Variants in SPICE1 observed in about 807,000 individuals in gnomAD.
SPICE1 encodes spindle and centriole-associated protein 1.
In SPICE1, 75 loss-of-function variants were observed where a neutral mutation model predicts 102.7. The ratio of observed to expected loss-of-function variants is 0.73; its 90% confidence interval spans 0.61 to 0.88. The LOEUF is 0.88. Ranked by LOEUF, SPICE1 falls within the 40% of genes least tolerant of loss-of-function variation. The pLI is 0.00. For synonymous variants in SPICE1, 308 were observed against 350.3 expected (o/e 0.88, Z 1.35); for missense variants, 979 against 1,020.1 (o/e 0.96, Z 0.55).
chr3:113,445,229 T>C lies in SPICE1; in HGVS notation c.*78A>G, dbSNP rs1576618036. On this transcript the variant is annotated 3_prime_UTR_variant, in exon 18 of 18. Transcript: ENST00000295872. ...TTGTAGGTTTTATCTGAAAGAAGGA[T>C]ATAAAAACTTAAAAGTCAGAGCAGG... 4 of 1,107,006 alleles carry C rather than the reference T, an allele frequency of 3.6e-6. No individual in the cohort carries two copies. Among genetic ancestry groups the C allele is most frequent in the East Asian group, 2.4e-5 (1 of 41,232 alleles). The allele number at this position is 1,107,006 out of a possible 1,614,324, so 68.6% of individuals were successfully genotyped here. A position where few individuals can be genotyped will look rare whatever the true frequency, so the allele number is the denominator to read the frequency against.
At chr3:113,474,831 A>G (rs1936297933) in intron 7 of SPICE1, among the ~76,000 whole-genome samples, 1 of 152,226 alleles carries the variant, frequency 6.6e-6, no homozygotes, top group Non-Finnish European at 1.5e-5. Flanking sequence ...CCACAAGAGA[A>G]AGCAGGAAAG....
rs1327257349 is a variant in SPICE1 at position 113,444,029 on chromosome 3, G to C, written c.*1278C>G. On this transcript the variant is annotated 3_prime_UTR_variant, in exon 18 of 18. Coordinates refer to ENST00000295872, the MANE Select transcript of SPICE1 (RefSeq NM_144718.4). ...TTGAGCAAGTTATTAGCAGCTTTCT[G>C]GGGCATACTGGAGAAGTCATATGTT... 1 of 152,244 alleles carries C rather than the reference G, an allele frequency of 6.6e-6. No homozygotes were observed. The highest frequency in any genetic ancestry group is 2.4e-5 in the African/African-American group (1 of 41,548). The allele number at this position is 152,244 out of a possible 1,614,324, so 9.4% of individuals were successfully genotyped here. A position where few individuals can be genotyped will look rare whatever the true frequency, so the allele number is the denominator to read the frequency against.
At chr3:113,476,651 C>G (rs1183951088) in intron 7 of SPICE1, among the ~76,000 whole-genome samples, 1 of 150,328 alleles carries the variant, frequency 6.7e-6, no homozygotes, top group Non-Finnish European at 1.5e-5. Context: ...ACTATCTGAT[C>G]TTTGACAAAC....
In SPICE1 at chr3:113,448,156, A is replaced by C. The variant is rs987615833; in HGVS notation, c.2324-16T>G. The C allele has an allele frequency of 2.5e-6, 4 of 1,572,536 alleles. No individual in the cohort carries two copies. In the African/African-American group the frequency reaches 5.5e-5, roughly 21 times the overall value. ...TTTGCTCCTTCTAAAATATAAAAATAAATATTAGTTCCATTACCTTTCAAT... is the reference window on the plus strand; with the variant it reads ...TTTGCTCCTTCTAAAATATAAAAATCAATATTAGTTCCATTACCTTTCAAT... On this transcript the variant is annotated splice_polypyrimidine_tract_variant and intron_variant, in intron 15 of 17. Coordinates refer to ENST00000295872, the MANE Select transcript of SPICE1 (RefSeq NM_144718.4).
At chr3:113,493,151 T>C in intron 6 of SPICE1, 55 bp downstream of exon 6, 1 of 1,284,716 alleles carries the variant, frequency 7.8e-7, no homozygotes, top group Non-Finnish European at 1.1e-6. Context: ...AAGGCCTATA[T>C]CAACTTAAAC....
chr3:113,479,045 T>C (rs566372092), intron 7 of SPICE1, among the ~76,000 whole-genome samples: 13 of 151,946 alleles, frequency 8.6e-5, no homozygotes, highest in East Asian at 1.9e-4. Context: ...TACATATGTA[T>C]ACATGTGCCA....
At chr3:113,462,343 C>A (rs1490929370) in intron 11 of SPICE1, among the ~76,000 whole-genome samples, 1 of 152,226 alleles carries the variant, frequency 6.6e-6, no homozygotes, top group East Asian at 1.9e-4. Context: ...AAATTTAAAT[C>A]TTCAAGGGAA....
intron 1 of SPICE1, 194 bp downstream of exon 1, chr3:113,514,703 T>C: frequency 1.7e-6 from 2 of 1,166,090 alleles, no homozygotes; most frequent in Middle Eastern, 2.2e-4. Context: ...TCGATTTAAA[T>C]GACGCTCCCG....
chr3:113,475,043 TAATA>T (rs1936305435), intron 7 of SPICE1, among the ~76,000 whole-genome samples: 1 of 151,878 alleles, frequency 6.6e-6, no homozygotes, highest in African/African-American at 2.4e-5. Flanking sequence ...CTAGCAAGAT[TAATA>T]AAAAAGAAAA....
chr3:113,466,544 A>G (rs1936061130), intron 10 of SPICE1, among the ~76,000 whole-genome samples: 1 of 151,444 alleles, frequency 6.6e-6, no homozygotes, highest in South Asian at 2.1e-4. Context: ...CAGGAGGCAG[A>G]GGTTGCAGTG....
At chr3:113,470,839 G>C (rs1936177422) in intron 7 of SPICE1, among the ~76,000 whole-genome samples, 1 of 152,184 alleles carries the variant, frequency 6.6e-6, no homozygotes, top group Admixed American at 6.5e-5. Flanking sequence ...TGGAACTGCT[G>C]ATCCCTTTCT....
At position 113,492,422 on chromosome 3, in the gene SPICE1, G is replaced by A. The variant is rs531708535; in HGVS notation, c.492+784C>T. On this transcript the variant is annotated intron_variant, in intron 6 of 17. Coordinates refer to ENST00000295872, the MANE Select transcript of SPICE1 (RefSeq NM_144718.4). ...CTTATTTTAGTATTAAATTATTCAC[G>A]GGCTTTAAAAAAAGTTTACTATCTC... is the stretch of plus-strand genomic sequence containing the variant. Among the ~76,000 whole-genome samples, 11 of 151,624 alleles carry A rather than the reference G, an allele frequency of 7.3e-5. No homozygotes were observed. The South Asian group carries it at 1.3e-3, about 17-fold the overall frequency.
chr3:113,507,134 T>C (rs1484566311), intron 1 of SPICE1, among the ~76,000 whole-genome samples: 1 of 152,210 alleles, frequency 6.6e-6, no homozygotes, highest in African/African-American at 2.4e-5. Flanking sequence ...AATATATCTG[T>C]CACATAATGC....
Position 113,499,433 on chromosome 3 carries a change from C to T in SPICE1, c.291+6G>A. The T allele has an allele frequency of 6.2e-7, 1 of 1,610,592 alleles. No individual in the cohort carries two copies. The highest frequency in any genetic ancestry group is 8.5e-7 in the Non-Finnish European group (1 of 1,179,080). On this transcript the variant is annotated splice_donor_region_variant and intron_variant, in intron 4 of 17. Coordinates refer to ENST00000295872, the MANE Select transcript of SPICE1 (RefSeq NM_144718.4). ...TCTTTCTAACTCTAATGCAGTTTAGCATTACCTCCTTCATGATAGACAATC... is the reference window on the plus strand; with the variant it reads ...TCTTTCTAACTCTAATGCAGTTTAGTATTACCTCCTTCATGATAGACAATC...
At chr3:113,487,011 C>T (rs1936664764) in intron 7 of SPICE1, among the ~76,000 whole-genome samples, 1 of 151,780 alleles carries the variant, frequency 6.6e-6, no homozygotes, top group Non-Finnish European at 1.5e-5. Context: ...TGACACTACC[C>T]TGAAAACAGC....
intron 4 of SPICE1, among the ~76,000 whole-genome samples, chr3:113,496,401 C>G (rs1936886089): frequency 7.1e-6 from 1 of 140,432 alleles, no homozygotes; most frequent in Non-Finnish European, 1.5e-5. Flanking sequence ...GTTGGATTTT[C>G]AAAGGATCCC....
intron 6 of SPICE1, among the ~76,000 whole-genome samples, chr3:113,489,396 AC>A (rs1230450214): frequency 6.6e-6 from 1 of 151,834 alleles, no homozygotes; most frequent in African/African-American, 2.4e-5. Context: ...CACCCTCCTC[AC>A]TCACCACCTA....
Position 113,444,203 on chromosome 3 carries a change from G to GA in SPICE1, c.*1103dup, listed in dbSNP as rs1169753530. 1 of 151,726 alleles carries GA rather than the reference G, an allele frequency of 6.6e-6. No homozygotes were observed. Among genetic ancestry groups the GA allele is most frequent in the Non-Finnish European group, 1.5e-5 (1 of 67,918 alleles). The allele number at this position is 151,726 out of a possible 1,614,324, so 9.4% of individuals were successfully genotyped here. A position where few individuals can be genotyped will look rare whatever the true frequency, so the allele number is the denominator to read the frequency against. On this transcript the variant is annotated 3_prime_UTR_variant, in exon 18 of 18. Coordinates refer to ENST00000295872, the MANE Select transcript of SPICE1 (RefSeq NM_144718.4). ...CATCTCAGAACCAAAAGGGTACCCT[G>GA]AAAAATCTATCCTGAGCCGGGTGCA... is the stretch of plus-strand genomic sequence containing the variant.
At position 113,469,270 on chromosome 3, in the gene SPICE1, A is replaced by G. The variant is rs757972753; in HGVS notation, c.612-32T>C. On this transcript the variant is annotated intron_variant, in intron 7 of 17. Transcript: ENST00000295872. ...ATTACAGGACAATAAGCTACATGAG[A>G]ATTATAATATAAATTAATATAATAT... 5.1e-6 allele frequency: 6 copies of G among 1,178,554 alleles called. No homozygotes were observed. The South Asian group carries it at 1.3e-4, about 26-fold the overall frequency. 73.0% of individuals were successfully genotyped at this position (1,178,554 alleles called of 1,614,324 possible).
Sources: allele counts gnomAD v4.1 joint callset (sites outside exome capture counted in the v4.1 genomes callset), GRCh38; gene constraint gnomAD v4.1.1; transcripts MANE v1.5; gene names NCBI Gene and HGNC (gene_info 2026-07-23, HGNC 2026-07-21).